TG: variants seen among roughly 807,000 people sequenced by gnomAD.
The protein encoded by TG is thyroid hormones.
TG carries 270 observed loss-of-function variants against 324.7 expected under a neutral mutation model. That is an observed-to-expected ratio of 0.83 (90% confidence interval 0.75 to 0.92). TG has a LOEUF of 0.92. TG is among the 40% of genes least tolerant of loss of function. The pLI is 0.00. For synonymous variants in TG, 1,401 were observed against 1,327.0 expected (o/e 1.06, Z -1.21); for missense variants, 3,591 against 3,456.4 (o/e 1.04, Z -0.98).
intron 41 of TG, chr8:133,047,498 A>G (rs1839649245): frequency 5.9e-6 from 2 of 336,266 alleles, no homozygotes; most frequent in Non-Finnish European, 5.7e-6. Flanking sequence ...CCAGGCCCAT[A>G]CCAAAGGCCA....
At chr8:132,912,225 T>C (rs1298990006) in intron 19 of TG, among the ~76,000 whole-genome samples, 1 of 152,208 alleles carries the variant, frequency 6.6e-6, no homozygotes, top group Non-Finnish European at 1.5e-5. Flanking sequence ...ATCCTCTAAA[T>C]AATAATTCAG....
At chr8:132,878,607 T>TAA (rs1261455799) in intron 5 of TG, among the ~76,000 whole-genome samples, 1 of 137,966 alleles carries the variant, frequency 7.2e-6, no homozygotes, top group African/African-American at 2.8e-5. Context: ...AGACTCTGTC[T>TAA]CAAAAAAAAA....
chr8:133,076,773 A>C (rs1284182816), intron 41 of TG: 2 of 151,570 alleles, frequency 1.3e-5, no homozygotes, highest in African/African-American at 2.4e-5. Context: ...AAAAAAAAAA[A>C]AAAAAACAAC....
At chr8:133,079,676 C>T (rs1013922376) in intron 41 of TG, among the ~76,000 whole-genome samples, 2 of 152,142 alleles carry the variant, frequency 1.3e-5, no homozygotes, top group African/African-American at 2.4e-5. Flanking sequence ...TACTTTATAG[C>T]TTGATTTGTT....
chr8:132,945,243 CT>C (rs1825075685), intron 26 of TG, among the ~76,000 whole-genome samples: 1 of 152,096 alleles, frequency 6.6e-6, no homozygotes, highest in Admixed American at 6.5e-5. Context: ...GTATGGTATC[CT>C]GGGCTAGGGC....
chr8:133,120,988 T>A lies in TG; in HGVS notation c.7862+4272T>A, dbSNP rs534970570. ...TGTGGGTTTCTCTGTTGCTGAGTAGTGTCCTCATGTCCCTAGAGACAGGGT... is the reference window on the plus strand; with the variant it reads ...TGTGGGTTTCTCTGTTGCTGAGTAGAGTCCTCATGTCCCTAGAGACAGGGT... On this transcript the variant is annotated intron_variant, in intron 45 of 47. Transcript: ENST00000220616. 1.8e-3 allele frequency among the ~76,000 whole-genome samples: 272 copies of A among 152,260 alleles called. 1 individual carries two copies. Among genetic ancestry groups the A allele is most frequent in the Middle Eastern group, 6.8e-3 (2 of 294 alleles).
intron 41 of TG, among the ~76,000 whole-genome samples, chr8:133,083,137 T>C (rs1588036171): frequency 6.6e-6 from 1 of 152,300 alleles, no homozygotes; most frequent in East Asian, 1.9e-4. Context: ...TTTATTTTTG[T>C]TTGAGTAGCA....
intron 41 of TG, chr8:133,040,303 G>T: frequency 3.0e-6 from 2 of 674,032 alleles, no homozygotes; most frequent in Non-Finnish European, 5.0e-6. Context: ...CACGCGCCCA[G>T]CTGTTTGAGA....
rs1264340134 is a variant in TG at position 132,906,683 on chromosome 8, C to T, written c.3635-5C>T. The T allele has an allele frequency of 6.2e-7, 1 of 1,613,776 alleles. No individual in the cohort carries two copies. The highest frequency in any genetic ancestry group is 8.5e-7 in the Non-Finnish European group (1 of 1,180,028). Reference sequence around the variant, plus strand: ...CCCACCACGGCTCCACTTTCCTTCTCCCAGGCCCGCGGTGTCCGCTGCCAT... The same window carrying T: ...CCCACCACGGCTCCACTTTCCTTCTTCCAGGCCCGCGGTGTCCGCTGCCAT... On this transcript the variant is annotated splice_region_variant and splice_polypyrimidine_tract_variant and intron_variant, in intron 16 of 47. Transcript: ENST00000220616.
chr8:132,969,522 A>G lies in TG; in HGVS notation c.5928A>G (p.Ile1976Met), dbSNP rs374368216. ...TGCCGTTCCAAAAACTGATGGGGAT[A>G]TCCATTAGAAATAAAGTGCCCATGT... ...TRLPFQKLMG[I>M]SIRNKVPMSE... Residue 1976 changes from isoleucine to methionine, a missense_variant, in exon 32 of 48, where the codon ATA becomes ATG. Transcript: ENST00000220616. 5.6e-6 allele frequency: 9 copies of G among 1,614,008 alleles called. No individual in the cohort carries two copies. The East Asian group carries it at 6.7e-5, about 12-fold the overall frequency.
At chr8:133,007,609 G>A (rs375173265) in intron 35 of TG, among the ~76,000 whole-genome samples, 3 of 151,914 alleles carry the variant, frequency 2.0e-5, no homozygotes, top group African/African-American at 7.3e-5. Flanking sequence ...GTTTTAGGAC[G>A]GAACTCGAAC....
At chr8:132,986,134 A>G (rs1831493487) in intron 35 of TG, among the ~76,000 whole-genome samples, 1 of 152,126 alleles carries the variant, frequency 6.6e-6, no homozygotes, top group African/African-American at 2.4e-5. Context: ...GAAAATTCAC[A>G]CAAAGCAGAA....
intron 35 of TG, chr8:132,988,990 A>G: frequency 6.5e-6 from 5 of 767,864 alleles, no homozygotes; most frequent in Non-Finnish European, 7.9e-6. Flanking sequence ...TCACAGCTCC[A>G]TGTGGCTGGG....
chr8:133,040,437 G>T, intron 41 of TG: 1 of 329,882 alleles, frequency 3.0e-6, no homozygotes, highest in Admixed American at 4.3e-5. Flanking sequence ...AAATTATCAA[G>T]AACGTCTCTG....
chr8:133,041,365 C>T (rs1310792019), intron 41 of TG, among the ~76,000 whole-genome samples: 2 of 152,242 alleles, frequency 1.3e-5, no homozygotes, highest in Admixed American at 6.5e-5. Flanking sequence ...ACAGGGCGGG[C>T]AAGCCAGGAA....
intron 11 of TG, among the ~76,000 whole-genome samples, chr8:132,895,500 T>C (rs139583791): frequency 1.3e-5 from 2 of 152,270 alleles, no homozygotes; most frequent in Non-Finnish European, 2.9e-5. Context: ...CAAGGCACTG[T>C]GTCTTATTCT....
intron 1 of TG, among the ~76,000 whole-genome samples, 167 bp downstream of exon 1, chr8:132,867,234 G>A (rs746657393): frequency 1.3e-5 from 2 of 151,874 alleles, no homozygotes; most frequent in Non-Finnish European, 2.9e-5. Context: ...TTAGAGAGCC[G>A]AACTGAATTA....
chr8:132,931,749 A>G (rs1822754526), intron 23 of TG, among the ~76,000 whole-genome samples: 1 of 152,108 alleles, frequency 6.6e-6, no homozygotes, highest in African/African-American at 2.4e-5. Flanking sequence ...AGGTTAGTTC[A>G]GTTAAGGGGA....
At chr8:132,972,320 G>A (rs1829638868) in intron 33 of TG, 2 of 531,660 alleles carry the variant, frequency 3.8e-6, no homozygotes, top group Non-Finnish European at 6.7e-6. Context: ...AAGGTTATGT[G>A]AGGACCAAGT....
Sources: gnomAD v4.1 joint callset for allele counts (sites outside exome capture counted in the v4.1 genomes callset) on GRCh38, gnomAD v4.1.1 for gene constraint, MANE v1.5 for transcripts, NCBI Gene and HGNC (gene_info 2026-07-23, HGNC 2026-07-21) for gene names.